Variants in TAFA2 observed in about 807,000 individuals in gnomAD.
TAFA2 encodes chemokine-like protein TAFA-2.
Under a neutral mutation model 18.8 loss-of-function variants are expected in TAFA2, and 7 were observed. The ratio of observed to expected loss-of-function variants is 0.37; its 90% CI spans 0.21 to 0.70. The LOEUF (loss-of-function observed/expected upper bound fraction) is 0.70, where lower values mean the gene tolerates loss of function less well. Among genes scored for constraint, TAFA2 ranks in the 30% least tolerant of loss-of-function variants. The pLI, the probability that TAFA2 is intolerant of heterozygous loss-of-function variation, is 0.53. For synonymous variants in TAFA2, 60 were observed against 54.2 expected (o/e 1.11, Z -0.47); for missense variants, 122 against 158.1 (o/e 0.77, Z 1.23).
At chr12:61,913,620 G>A (rs1378605537) in intron 1 of TAFA2, among the ~76,000 whole-genome samples, 3 of 152,208 alleles carry the variant, frequency 2.0e-5, no homozygotes, top group Admixed American at 6.5e-5. Context: ...TAGGGATCAT[G>A]ATTCCTGACT....
chr12:61,978,663 G>A (rs1879522279), intron 1 of TAFA2, among the ~76,000 whole-genome samples: 1 of 151,950 alleles, frequency 6.6e-6, no homozygotes, highest in Non-Finnish European at 1.5e-5. Flanking sequence ...AATCCATCTG[G>A]ATAAAATGTA....
At chr12:61,995,749 T>G (rs770049656) in intron 1 of TAFA2, among the ~76,000 whole-genome samples, 1 of 152,152 alleles carries the variant, frequency 6.6e-6, no homozygotes, top group Non-Finnish European at 1.5e-5. Context: ...TGTTACGGCT[T>G]AGGGTAGATG....
At chr12:61,767,495 C>T (rs2120827254) in intron 2 of TAFA2, among the ~76,000 whole-genome samples, 2 of 151,484 alleles carry the variant, frequency 1.3e-5, no homozygotes, top group African/African-American at 4.8e-5. Flanking sequence ...TTTTTTTTCA[C>T]ATATGTGGTA....
intron 1 of TAFA2, among the ~76,000 whole-genome samples, chr12:61,981,275 C>T (rs938524190): frequency 1.3e-5 from 2 of 152,094 alleles, no homozygotes; most frequent in African/African-American, 2.4e-5. Context: ...GCTGAAACTG[C>T]ATCCCTTCCT....
intron 2 of TAFA2, among the ~76,000 whole-genome samples, chr12:61,769,278 T>G (rs1265029490): frequency 1.3e-5 from 2 of 151,204 alleles, no homozygotes; most frequent in Admixed American, 6.6e-5. Flanking sequence ...TCAAAGACAG[T>G]GGACATAATT....
At chr12:62,219,622 A>C (rs1455704669) in intron 1 of TAFA2, among the ~76,000 whole-genome samples, 3 of 152,178 alleles carry the variant, frequency 2.0e-5, no homozygotes, top group Non-Finnish European at 4.4e-5. Flanking sequence ...TGTTCACTTA[A>C]AGTTGTAAGC....
intron 1 of TAFA2, among the ~76,000 whole-genome samples, chr12:61,908,582 A>C (rs924295002): frequency 6.6e-6 from 1 of 152,134 alleles, no homozygotes; most frequent in African/African-American, 2.4e-5. Flanking sequence ...GATTCCAGGT[A>C]CGCTCAAAAA....
At chr12:61,800,901 TG>T (rs1327766628) in intron 2 of TAFA2, among the ~76,000 whole-genome samples, 1 of 152,116 alleles carries the variant, frequency 6.6e-6, no homozygotes, top group Non-Finnish European at 1.5e-5. Context: ...AGTCTCCACA[TG>T]GGGCAAAGAG....
intron 2 of TAFA2, among the ~76,000 whole-genome samples, chr12:61,836,322 A>T (rs557255842): frequency 6.6e-6 from 1 of 152,074 alleles, no homozygotes; most frequent in African/African-American, 2.4e-5. Context: ...AAAGATTTTT[A>T]AAATGGTGAG....
At chr12:61,833,181 A>G (rs1872782769) in intron 2 of TAFA2, among the ~76,000 whole-genome samples, 2 of 151,342 alleles carry the variant, frequency 1.3e-5, no homozygotes, top group Admixed American at 6.6e-5. Flanking sequence ...GATGAAGCCA[A>G]AGAAATATGA....
At chr12:61,801,344 G>A (rs1241405061) in intron 2 of TAFA2, among the ~76,000 whole-genome samples, 4 of 152,020 alleles carry the variant, frequency 2.6e-5, no homozygotes, top group African/African-American at 9.7e-5. Flanking sequence ...CAAAGCTGAA[G>A]GCATCACATT....
chr12:61,816,031 T>C (rs1195357671), intron 2 of TAFA2, among the ~76,000 whole-genome samples: 1 of 151,348 alleles, frequency 6.6e-6, no homozygotes, highest in Admixed American at 6.6e-5. Flanking sequence ...ATTTTATTTT[T>C]AAACTTTTAG....
chr12:61,771,748 T>C (rs1432504418), intron 2 of TAFA2, among the ~76,000 whole-genome samples: 1 of 151,896 alleles, frequency 6.6e-6, no homozygotes, highest in East Asian at 1.9e-4. Flanking sequence ...TGAAAAAAGT[T>C]TGTAGCATTG....
chr12:62,236,538 T>C (rs2062838612), intron 1 of TAFA2, among the ~76,000 whole-genome samples: 1 of 152,238 alleles, frequency 6.6e-6, no homozygotes. Context: ...GTGCTGGGAT[T>C]ACAGGCGTGA....
At chr12:61,878,217 C>A (rs1874953956) in intron 1 of TAFA2, 1 of 384,900 alleles carries the variant, frequency 2.6e-6, no homozygotes, top group Non-Finnish European at 5.2e-6. Context: ...TAAAAGAGTT[C>A]TGGAATAGAT....
chr12:61,742,375 C>T (rs1217408288), intron 4 of TAFA2, among the ~76,000 whole-genome samples: 1 of 152,026 alleles, frequency 6.6e-6, no homozygotes, highest in Non-Finnish European at 1.5e-5. Context: ...TCTTGTAAAT[C>T]CCACATTCAG....
chr12:61,740,632 T>C (rs1162402863), intron 4 of TAFA2, among the ~76,000 whole-genome samples: 3 of 152,026 alleles, frequency 2.0e-5, no homozygotes, highest in Non-Finnish European at 2.9e-5. Flanking sequence ...ACTTCATCAT[T>C]ATTTGAAATA....
chr12:61,719,323 G>C (rs1869795432), intron 4 of TAFA2, among the ~76,000 whole-genome samples: 1 of 152,174 alleles, frequency 6.6e-6, no homozygotes, highest in Admixed American at 6.5e-5. Context: ...GCCAGCCATT[G>C]TTCTAGATGT....
chr12:61,911,113 C>T (rs6581433), intron 1 of TAFA2, among the ~76,000 whole-genome samples: 120,177 of 152,154 alleles, frequency 0.79, 47,975 homozygotes, highest in East Asian at 0.91. Context: ...CTTTACCTTA[C>T]ACTTTCTAGG....
Sources: allele counts gnomAD v4.1 joint callset (sites outside exome capture counted in the v4.1 genomes callset), GRCh38; gene constraint gnomAD v4.1.1; transcripts MANE v1.5; gene names NCBI Gene and HGNC (gene_info 2026-07-23, HGNC 2026-07-21).